The following L3MBTL4 variants were observed in gnomAD, a reference collection of about 807,000 sequenced individuals.
L3MBTL4 encodes lethal(3)malignant brain tumor-like protein 4.
In L3MBTL4, 70 loss-of-function variants were observed where a neutral mutation model predicts 84.5. The observed-to-expected ratio is 0.83, with a 90% CI of 0.68 to 1.01. The LOEUF is 1.01. Among genes scored for constraint, L3MBTL4 ranks in the 50% least tolerant of loss-of-function variants. The probability of loss-of-function intolerance (pLI) is 0.00; values close to 1 mark genes in which losing one functional copy is unlikely to be tolerated. For missense variants in L3MBTL4, 715 were observed against 754.8 expected, an observed-to-expected ratio of 0.95 and a Z score of 0.62; for synonymous variants, 274 against 259.8, an observed-to-expected ratio of 1.05 and a Z score of -0.52.
intron 1 of L3MBTL4, among the ~76,000 whole-genome samples, chr18:6,372,288 C>T (rs1217274739): frequency 6.6e-6 from 1 of 152,148 alleles, no homozygotes; most frequent in African/African-American, 2.4e-5. Context: ...GCAAGCTGCC[C>T]TATGGGGATG....
At chr18:6,048,326 T>G (rs1362439898) in intron 16 of L3MBTL4, among the ~76,000 whole-genome samples, 1 of 152,154 alleles carries the variant, frequency 6.6e-6, no homozygotes, top group Non-Finnish European at 1.5e-5. Context: ...ATTTACAGAT[T>G]CAATGCTATC....
At chr18:6,332,237 A>G (rs2052075362) in intron 1 of L3MBTL4, among the ~76,000 whole-genome samples, 1 of 152,232 alleles carries the variant, frequency 6.6e-6, no homozygotes, top group Non-Finnish European at 1.5e-5. Context: ...ACTTTGCTGA[A>G]TCTAATTAAG....
chr18:5,980,173 T>A (rs985582187), intron 16 of L3MBTL4, among the ~76,000 whole-genome samples: 2 of 152,206 alleles, frequency 1.3e-5, no homozygotes, highest in Non-Finnish European at 2.9e-5. Context: ...TGGGGTGCTC[T>A]CAGGGCCAAG....
intron 16 of L3MBTL4, among the ~76,000 whole-genome samples, chr18:6,047,812 G>T (rs969910075): frequency 1.3e-5 from 2 of 152,132 alleles, no homozygotes; most frequent in African/African-American, 2.4e-5. Context: ...GCGAAAGCTG[G>T]AAGCTGGAAG....
chr18:6,226,656 A>G (rs1257219205), intron 10 of L3MBTL4, among the ~76,000 whole-genome samples: 1 of 152,196 alleles, frequency 6.6e-6, no homozygotes, highest in Non-Finnish European at 1.5e-5. Flanking sequence ...TATTTCTCAC[A>G]CTGTGGGAAA....
At chr18:6,368,627 G>A (rs2054030124) in intron 1 of L3MBTL4, among the ~76,000 whole-genome samples, 1 of 152,152 alleles carries the variant, frequency 6.6e-6, no homozygotes, top group African/African-American at 2.4e-5. Flanking sequence ...AAAGTCACAG[G>A]AAAGTAGTAT....
chr18:5,967,668 A>T (rs2052420538), intron 17 of L3MBTL4, among the ~76,000 whole-genome samples: 1 of 152,322 alleles, frequency 6.6e-6, no homozygotes, highest in Middle Eastern at 3.4e-3. Context: ...GCCAGAGTGC[A>T]GATGCCCTGC....
At chr18:6,218,118 T>C (rs1165890766) in intron 10 of L3MBTL4, among the ~76,000 whole-genome samples, 3 of 152,176 alleles carry the variant, frequency 2.0e-5, no homozygotes, top group African/African-American at 4.8e-5. Context: ...TTACTTTTTC[T>C]TTTTCAAGAG....
intron 14 of L3MBTL4, among the ~76,000 whole-genome samples, chr18:6,102,203 G>A (rs1386516285): frequency 6.6e-6 from 1 of 152,190 alleles, no homozygotes; most frequent in African/African-American, 2.4e-5. Context: ...GCACATCAGT[G>A]TCTAAAGAAA....
chr18:6,131,890 G>T (rs867915964), intron 14 of L3MBTL4, among the ~76,000 whole-genome samples: 2 of 152,248 alleles, frequency 1.3e-5, no homozygotes, highest in Middle Eastern at 3.4e-3. Flanking sequence ...GATTATGAAT[G>T]ATATCAATTT....
intron 15 of L3MBTL4, 89 bp from the exon 16 acceptor site, chr18:6,081,040 G>A: frequency 2.2e-6 from 2 of 928,732 alleles, no homozygotes; most frequent in Non-Finnish European, 3.3e-6. Context: ...AATAGAAACT[G>A]CAGGGTAAAC....
intron 14 of L3MBTL4, among the ~76,000 whole-genome samples, chr18:6,123,966 C>T (rs948700545): frequency 6.6e-6 from 1 of 152,088 alleles, no homozygotes; most frequent in Non-Finnish European, 1.5e-5. Flanking sequence ...TTGTAGCTGC[C>T]ATGTATTCCA....
chr18:6,143,547 C>T (rs1468303118), intron 13 of L3MBTL4, among the ~76,000 whole-genome samples: 1 of 152,132 alleles, frequency 6.6e-6, no homozygotes, highest in Non-Finnish European at 1.5e-5. Context: ...GGAAACCTAC[C>T]ATCAAACGAA....
intron 1 of L3MBTL4, among the ~76,000 whole-genome samples, chr18:6,316,771 G>T (rs912971132): frequency 1.3e-5 from 2 of 152,108 alleles, no homozygotes; most frequent in African/African-American, 4.8e-5. Context: ...CTTTCCTGCT[G>T]GCCTGGCAGA....
rs141442877 is a variant in L3MBTL4 at position 6,390,948 on chromosome 18, T to A, written c.-91+23853A>T. On this transcript the variant is annotated intron_variant, in intron 1 of 18. Transcript: ENST00000317931. ...TCCTACTGAAACTATTCCAAAAGAT[T>A]GAGAAAAAGGGAATCCTCCCTAATT... 7.6e-3 allele frequency among the ~76,000 whole-genome samples: 1,162 copies of A among 151,962 alleles called. 10 individuals carry two copies. The highest frequency in any genetic ancestry group is 0.027 in the Middle Eastern group (8 of 292).
At chr18:6,357,011 T>A (rs2040610370) in intron 1 of L3MBTL4, among the ~76,000 whole-genome samples, 1 of 152,172 alleles carries the variant, frequency 6.6e-6, no homozygotes, top group Non-Finnish European at 1.5e-5. Flanking sequence ...TCTGTTATAA[T>A]CTTACGTGAT....
intron 5 of L3MBTL4, among the ~76,000 whole-genome samples, chr18:6,257,645 CTT>C (rs770563046): frequency 1.3e-3 from 164 of 127,460 alleles, no homozygotes; most frequent in African/African-American, 3.8e-3. Flanking sequence ...TTTTCTTTTT[CTT>C]TTTTTTTTTT....
chr18:5,959,164 T>C (rs1325525558), intron 18 of L3MBTL4, among the ~76,000 whole-genome samples: 1 of 152,184 alleles, frequency 6.6e-6, no homozygotes, highest in Non-Finnish European at 1.5e-5. Flanking sequence ...GGGAGAGGTA[T>C]GTGCTGCCTT....
At chr18:6,133,455 A>T (rs1003840860) in intron 14 of L3MBTL4, among the ~76,000 whole-genome samples, 5 of 152,112 alleles carry the variant, frequency 3.3e-5, no homozygotes, top group Admixed American at 6.5e-5. Flanking sequence ...ACTCCAGCAG[A>T]GTCCTCGCTA....
Sources: allele counts gnomAD v4.1 joint callset (sites outside exome capture counted in the v4.1 genomes callset), GRCh38; gene constraint gnomAD v4.1.1; transcripts MANE v1.5; gene names NCBI Gene and HGNC (gene_info 2026-07-23, HGNC 2026-07-21).